TRMT2B: variants seen among roughly 807,000 people sequenced by gnomAD.
TRMT2B encodes tRNA methyltransferase 2B, also known as tRNA (uracil-5-)-methyltransferase homolog B.
Under a neutral mutation model 39.7 loss-of-function variants are expected in TRMT2B, and 34 were observed. That is an observed-to-expected ratio of 0.86 (90% CI 0.65 to 1.14). TRMT2B has a LOEUF of 1.14. TRMT2B is among the 50% of genes most tolerant of loss of function. The probability of loss-of-function intolerance (pLI) is 0.00; values close to 1 mark genes in which losing one functional copy is unlikely to be tolerated. For synonymous variants in TRMT2B, 132 were observed against 137.3 expected, an observed-to-expected ratio of 0.96 and a Z score of 0.27; for missense variants, 318 against 377.2, an observed-to-expected ratio of 0.84 and a Z score of 1.30.
intron 7 of TRMT2B, among the ~76,000 whole-genome samples, chrX:101,026,854 C>T (rs1206734815): frequency 1.8e-5 from 2 of 111,785 alleles, no homozygotes; most frequent in African/African-American, 6.5e-5. Flanking sequence ...ATTGCCTTCG[C>T]TCAGTACTGG....
chrX:100,992,325 A>G, the TRMT2B span, among the ~76,000 whole-genome samples: 1 of 111,881 alleles, frequency 8.9e-6, no homozygotes, highest in Non-Finnish European at 1.9e-5. Context: ...GCAGTGGCTC[A>G]TGCCTAGCAC....
At chrX:100,975,631 C>CTTTTTTTTTT in the TRMT2B span, among the ~76,000 whole-genome samples, 1 of 97,932 alleles carries the variant, frequency 1.0e-5, no homozygotes, top group Non-Finnish European at 2.1e-5. Flanking sequence ...ATTTTCTTTG[C>CTTTTTTTTTT]TTTTTTTTTT....
the TRMT2B span, among the ~76,000 whole-genome samples, chrX:101,003,420 C>T: frequency 1.9e-5 from 2 of 107,742 alleles, no homozygotes; most frequent in Non-Finnish European, 3.8e-5. Context: ...ACAATCTCAG[C>T]TCACTGCAAC....
At chrX:101,037,351 A>T (rs2087901813) in intron 5 of TRMT2B, 1 of 308,327 alleles carries the variant, frequency 3.2e-6, no homozygotes, top group Non-Finnish European at 5.7e-6. Flanking sequence ...TGTTGCAACT[A>T]CTCAACTCTG....
Position 101,021,184 on chromosome X carries a change from C to A in TRMT2B, c.983G>T (p.Gly328Val). Residue 328 changes from glycine to valine, a missense_variant, in exon 10 of 14, where the codon GGT (glycine) becomes GTT (valine). By Grantham distance (109) the Gly-to-Val change is moderately radical. Transcript: ENST00000372936. The part of the protein sequence containing the change: ...PDAFFQINTA[G>V]AEMLYRTVGE... The stretch of plus-strand genomic sequence containing the variant: ...CACAGTCCGATACAGCATCTCTGCA[C>A]CAGCTGTGTTAATCTGGAAAAAGGC... 1 of 1,211,160 alleles carries A rather than the reference C, an allele frequency of 8.3e-7. No individual in the cohort carries two copies. The highest frequency in any genetic ancestry group is 1.1e-6 in the Non-Finnish European group (1 of 895,148).
chrX:101,041,212 T>C lies in TRMT2B; in HGVS notation c.303+105A>G. On this transcript the variant is annotated intron_variant, in intron 4 of 13. Coordinates refer to ENST00000372936, the MANE Select transcript of TRMT2B (RefSeq NM_024917.6). ...GAGCGAGACTCCATCTCAAAAAAACTTAAAATTAAAAATAAATAAATAAAT... is the reference window on the plus strand; with the variant it reads ...GAGCGAGACTCCATCTCAAAAAAACCTAAAATTAAAAATAAATAAATAAAT... 9.2e-6 allele frequency: 7 copies of C among 762,904 alleles called. No homozygotes were observed. The Admixed American group carries it at 1.1e-4, about 12-fold the overall frequency. The allele number at this position is 762,904 out of a possible 1,213,427, so 62.9% of individuals were successfully genotyped here.
Position 101,041,509 on chromosome X carries a change from T to C in TRMT2B, c.249-138A>G, listed in dbSNP as rs186134926. ...TCTGGGAGAAGAGCCCATTTTGATG[T>C]TGTCTACTTAACAAAGCAGAACAGA... On this transcript the variant is annotated intron_variant, in intron 3 of 13. Coordinates refer to ENST00000372936, the MANE Select transcript of TRMT2B (RefSeq NM_024917.6). 2.3e-4 allele frequency: 124 copies of C among 546,273 alleles called. 1 individual carries two copies. The East Asian group carries it at 4.1e-3, about 18-fold the overall frequency. The allele number at this position is 546,273 out of a possible 1,213,427, so 45.0% of individuals were successfully genotyped here.
chrX:101,006,186 C>T (rs11796700), downstream of TRMT2B, among the ~76,000 whole-genome samples: 49,390 of 106,387 alleles, frequency 0.46, 9,018 homozygotes, highest in African/African-American at 0.66. Flanking sequence ...GCCGAGATCG[C>T]GCTGCTGCAC....
At chrX:101,002,236 C>T in the TRMT2B span, among the ~76,000 whole-genome samples, 2 of 111,624 alleles carry the variant, frequency 1.8e-5, no homozygotes, top group Non-Finnish European at 3.8e-5. Context: ...GGTTCCTGAG[C>T]TGGAAACTCC....
chrX:101,009,137 A>G (rs967213176), downstream of TRMT2B, among the ~76,000 whole-genome samples: 3 of 111,983 alleles, frequency 2.7e-5, no homozygotes, highest in East Asian at 8.3e-4. Context: ...TAACAGCCAT[A>G]TTTTTCTAAG....
chrX:100,991,473 G>T, the TRMT2B span, among the ~76,000 whole-genome samples: 1 of 110,883 alleles, frequency 9.0e-6, no homozygotes, highest in Non-Finnish European at 1.9e-5. Flanking sequence ...CCACCTCCTG[G>T]GTTCACGCCA....
chrX:100,990,290 G>C, the TRMT2B span: 3 of 836,565 alleles, frequency 3.6e-6, no homozygotes, highest in Non-Finnish European at 4.3e-6. Flanking sequence ...CTGGCACTTG[G>C]CTTCACTTAC....
intron 7 of TRMT2B, among the ~76,000 whole-genome samples, chrX:101,030,454 C>CTTGTTTTTTTTTTT (rs2087381841): frequency 1.4e-5 from 1 of 71,863 alleles, no homozygotes. Flanking sequence ...GATCTGCATT[C>CTTGTTTTTTTTTTT]TTTTTTTTTT....
the TRMT2B span, among the ~76,000 whole-genome samples, chrX:100,980,656 A>C: frequency 9.0e-6 from 1 of 111,725 alleles, no homozygotes; most frequent in Admixed American, 9.5e-5. Flanking sequence ...CTCAAGCAGG[A>C]GTCTCTCCTG....
the TRMT2B span, among the ~76,000 whole-genome samples, chrX:100,999,436 G>A: frequency 2.7e-5 from 3 of 112,374 alleles, no homozygotes; most frequent in Admixed American, 1.9e-4. Context: ...GCCCCTGTAA[G>A]CTATAAATTT....
the TRMT2B span, chrX:100,988,688 C>T: frequency 2.4e-6 from 1 of 422,645 alleles, no homozygotes; most frequent in Non-Finnish European, 3.3e-6. Flanking sequence ...AGAAAAGCAC[C>T]TTCCTGTAGG....
chrX:100,989,731 T>C, the TRMT2B span, among the ~76,000 whole-genome samples: 3 of 112,470 alleles, frequency 2.7e-5, no homozygotes, highest in South Asian at 1.1e-3. Flanking sequence ...CAGTATTCCT[T>C]AGCACCTCAG....
intron 13 of TRMT2B, 106 bp from the exon 14 acceptor site, chrX:101,010,813 C>T: frequency 1.3e-6 from 1 of 747,892 alleles, no homozygotes; most frequent in Non-Finnish European, 1.9e-6. Flanking sequence ...CACAGGCCCC[C>T]TGTGTTTCTC....
chrX:101,027,221 T>C (rs749828826), intron 7 of TRMT2B, among the ~76,000 whole-genome samples: 25 of 109,874 alleles, frequency 2.3e-4, no homozygotes, highest in African/African-American at 8.2e-4. Context: ...AGGGAAACCT[T>C]ACTCCAGTTT....
Sources: gnomAD v4.1 joint callset for allele counts (sites outside exome capture counted in the v4.1 genomes callset) on GRCh38, gnomAD v4.1.1 for gene constraint, MANE v1.5 for transcripts, NCBI Gene and HGNC (gene_info 2026-07-23, HGNC 2026-07-21) for gene names.